MIB1: variants seen among roughly 807,000 people sequenced by gnomAD.
MIB1 encodes the protein E3 ubiquitin-protein ligase MIB1.
A neutral mutation model predicts 124.5 loss-of-function variants in MIB1; 278 were observed. The ratio of observed to expected loss-of-function variants is 2.23; its 90% CI spans 2.02 to 2.47. The LOEUF (loss-of-function observed/expected upper bound fraction) is 2.47. Among genes scored for constraint, MIB1 ranks in the 30% most tolerant of loss-of-function variants. The probability of loss-of-function intolerance (pLI) is 0.00; values close to 1 mark genes in which losing one functional copy is unlikely to be tolerated. For missense variants in MIB1, 957 were observed against 1,254.4 expected (o/e 0.76, Z 3.58); for synonymous variants, 446 against 429.4 (o/e 1.04, Z -0.48).
In MIB1 at chr18:21,779,537, A is replaced by G. The variant is rs1333599448; in HGVS notation, c.760A>G (p.Ile254Val). 4 of 1,614,162 alleles carry G rather than the reference A, an allele frequency of 2.5e-6. No homozygotes were observed. Among genetic ancestry groups the G allele is most frequent in the South Asian group, 1.1e-5 (1 of 91,072 alleles). The change falls in exon 6 of 21, where the codon ATA becomes GTA. Residue 254 changes from isoleucine to valine, a missense_variant. Transcript: ENST00000261537. ...GGLQIGDLVN[I>V]DLDLEIVQSL... is the part of the protein sequence containing the mutation. Reference sequence around the variant, plus strand: ...ATTGCAGATTGGTGACCTGGTAAATATAGATCTCGACCTCGAAATTGTACA... The same window carrying G: ...ATTGCAGATTGGTGACCTGGTAAATGTAGATCTCGACCTCGAAATTGTACA...
chr18:21,756,043 T>G (rs138622294), intron 1 of MIB1, among the ~76,000 whole-genome samples: 3 of 152,316 alleles, frequency 2.0e-5, no homozygotes, highest in Middle Eastern at 3.4e-3. Flanking sequence ...GGTGCCTTAC[T>G]CATCCCTTAC....
chr18:21,797,380 T>TA (rs2041595291), intron 7 of MIB1, among the ~76,000 whole-genome samples: 1 of 152,120 alleles, frequency 6.6e-6, no homozygotes, highest in African/African-American at 2.4e-5. Flanking sequence ...TGTAGCCTCA[T>TA]AGAGTTTGAG....
intron 1 of MIB1, among the ~76,000 whole-genome samples, chr18:21,746,425 T>G (rs1164591107): frequency 2.6e-5 from 4 of 151,714 alleles, no homozygotes; most frequent in Non-Finnish European, 5.9e-5. Context: ...TAGTATCTGT[T>G]TGAGTGATAT....
rs2042333764 is a variant in MIB1 at position 21,868,201 on chromosome 18, C to T, written c.*3535C>T. 6.6e-6 allele frequency: 1 copy of T among 151,990 alleles called. No individual in the cohort carries two copies. Among genetic ancestry groups the T allele is most frequent in the Admixed American group, 6.6e-5 (1 of 15,248 alleles). 9.4% of individuals were successfully genotyped at this position (151,990 alleles called of 1,614,324 possible). The stretch of plus-strand genomic sequence containing the variant: ...AGTTCAGCCATGTGAAGTACATTTA[C>T]ACTGTTGTGAAGCAGATCTCCAGAA... On this transcript the variant is annotated 3_prime_UTR_variant, in exon 21 of 21. Coordinates refer to ENST00000261537, the MANE Select transcript of MIB1 (RefSeq NM_020774.4).
intron 1 of MIB1, among the ~76,000 whole-genome samples, chr18:21,765,562 G>T (rs1433194302): frequency 6.6e-6 from 1 of 152,138 alleles, no homozygotes; most frequent in Non-Finnish European, 1.5e-5. Flanking sequence ...TAATGAAAAA[G>T]GGAGCAGAGG....
chr18:21,795,240 C>T (rs1330136808), intron 7 of MIB1, among the ~76,000 whole-genome samples: 2 of 144,362 alleles, frequency 1.4e-5, no homozygotes, highest in Non-Finnish European at 1.5e-5. Flanking sequence ...CAGTATTGCA[C>T]ATATTAGGGA....
At chr18:21,797,047 C>T (rs541670331) in intron 7 of MIB1, among the ~76,000 whole-genome samples, 79 of 151,830 alleles carry the variant, frequency 5.2e-4, no homozygotes, top group Non-Finnish European at 1.0e-3. Context: ...TTTAAACAAA[C>T]AAAAAATTGA....
At chr18:21,787,653 CT>C (rs1237315546) in intron 6 of MIB1, among the ~76,000 whole-genome samples, 3 of 151,780 alleles carry the variant, frequency 2.0e-5, no homozygotes, top group African/African-American at 7.3e-5. Flanking sequence ...AAATTCGTTT[CT>C]TTTATTATCT....
chr18:21,828,228 G>A (rs2041944871), intron 12 of MIB1: 2 of 151,824 alleles, frequency 1.3e-5, no homozygotes, highest in Admixed American at 6.6e-5. Context: ...AAGCAAATTC[G>A]AAGATAATAC....
chr18:21,827,194 C>T (rs1179512892), intron 12 of MIB1: 1 of 151,958 alleles, frequency 6.6e-6, no homozygotes, highest in African/African-American at 2.4e-5. Flanking sequence ...CAGCAGATGC[C>T]CAGAGTTTAA....
chr18:21,751,126 T>C (rs1397961519), intron 1 of MIB1, among the ~76,000 whole-genome samples: 4 of 151,838 alleles, frequency 2.6e-5, no homozygotes. Flanking sequence ...CAGTTGAGCC[T>C]GGGAGGCAGA....
intron 12 of MIB1, chr18:21,827,245 G>A (rs891277680): frequency 2.6e-5 from 4 of 152,088 alleles, no homozygotes; most frequent in Admixed American, 2.6e-4. Context: ...CTAAGTGATA[G>A]ATGTGACATT....
chr18:21,856,273 A>C (rs1418522408), intron 18 of MIB1, among the ~76,000 whole-genome samples: 3 of 147,782 alleles, frequency 2.0e-5, no homozygotes, highest in Non-Finnish European at 4.5e-5. Context: ...AAACAAAACA[A>C]AAAAAAAACA....
chr18:21,804,387 G>T (rs1480238526), intron 10 of MIB1, among the ~76,000 whole-genome samples: 1 of 152,098 alleles, frequency 6.6e-6, no homozygotes, highest in Non-Finnish European at 1.5e-5. Flanking sequence ...AACTTTTTTT[G>T]TTGTTGTTTT....
chr18:21,826,581 A>G (rs2041926325), intron 12 of MIB1: 1 of 152,096 alleles, frequency 6.6e-6, no homozygotes, highest in Non-Finnish European at 1.5e-5. Flanking sequence ...CAATCCATGG[A>G]TACAAGTATT....
At chr18:21,723,003 T>C (rs550063890) in intron 1 of MIB1, among the ~76,000 whole-genome samples, 53 of 152,280 alleles carry the variant, frequency 3.5e-4, no homozygotes, top group African/African-American at 1.2e-3. Flanking sequence ...CTCTACCTCC[T>C]GGAGGAGGGA....
intron 7 of MIB1, among the ~76,000 whole-genome samples, chr18:21,793,569 C>G (rs923233685): frequency 2.0e-5 from 3 of 151,738 alleles, no homozygotes; most frequent in African/African-American, 7.3e-5. Context: ...ATTGCTTGAG[C>G]CAAGGAGTTG....
intron 1 of MIB1, among the ~76,000 whole-genome samples, chr18:21,758,539 AT>A (rs1274675770): frequency 7.8e-4 from 114 of 146,852 alleles, no homozygotes; most frequent in East Asian, 1.2e-3. Flanking sequence ...TGACTTGTAA[AT>A]TTTTTTTTTT....
At chr18:21,743,830 CATTA>C (rs2040883100) in intron 1 of MIB1, among the ~76,000 whole-genome samples, 1 of 152,024 alleles carries the variant, frequency 6.6e-6, no homozygotes, top group Non-Finnish European at 1.5e-5. Flanking sequence ...TTTGAAGGGA[CATTA>C]ATGTTATCTA....
Sources: allele counts gnomAD v4.1 joint callset (sites outside exome capture counted in the v4.1 genomes callset), GRCh38; gene constraint gnomAD v4.1.1; transcripts MANE v1.5; gene names NCBI Gene and HGNC (gene_info 2026-07-23, HGNC 2026-07-21).